LCT: variants seen among roughly 807,000 people sequenced by gnomAD.
The protein encoded by LCT is lactase.
A neutral mutation model predicts 173.0 loss-of-function variants in LCT; 90 were observed. The ratio of observed to expected loss-of-function variants is 0.52; its 90% CI spans 0.44 to 0.62. The LOEUF is 0.62. Among genes scored for constraint, LCT ranks in the 20% least tolerant of loss-of-function variants. The probability of loss-of-function intolerance (pLI) is 0.00; values close to 1 mark genes in which losing one functional copy is unlikely to be tolerated. For synonymous variants in LCT, 853 were observed against 957.6 expected (o/e 0.89, Z 2.02); for missense variants, 1,864 against 2,431.4 (o/e 0.77, Z 4.91).
intron 6 of LCT, among the ~76,000 whole-genome samples, chr2:135,813,409 A>G (rs1433109619): frequency 6.6e-6 from 1 of 152,248 alleles, no homozygotes; most frequent in East Asian, 1.9e-4. Context: ...CAATATCATC[A>G]ACAAAGTCAA....
At position 135,836,163 on chromosome 2, in the gene LCT, C is replaced by T. The variant is rs925471740; in HGVS notation, c.640+367G>A. 4.0e-5 allele frequency among the ~76,000 whole-genome samples: 6 copies of T among 151,720 alleles called. No homozygotes were observed. The South Asian group carries it at 8.3e-4, about 21-fold the overall frequency. Reference sequence around the variant, plus strand: ...CCTCCCGAGTAGCTGGGATCACAGGCGCCTGCTACCATCCCTGGCTAATTT... The same window carrying T: ...CCTCCCGAGTAGCTGGGATCACAGGTGCCTGCTACCATCCCTGGCTAATTT... On this transcript the variant is annotated intron_variant, in intron 1 of 16. Transcript: ENST00000264162.
Position 135,803,804 on chromosome 2 carries a change from G to A in LCT, c.4663+126C>T, listed in dbSNP as rs998302833. On this transcript the variant is annotated intron_variant, in intron 11 of 16. Coordinates refer to ENST00000264162, the MANE Select transcript of LCT (RefSeq NM_002299.4). ...AGGAGGGAAACCTCTACAGCCCTGAGCAAGAGGCAGGGTTTCTGCCATGGG... is the reference window on the plus strand; with the variant it reads ...AGGAGGGAAACCTCTACAGCCCTGAACAAGAGGCAGGGTTTCTGCCATGGG... 3 of 817,694 alleles carry A rather than the reference G, an allele frequency of 3.7e-6. No homozygotes were observed. In the South Asian group the frequency reaches 4.4e-5, roughly 12 times the overall value. The allele number at this position is 817,694 out of a possible 1,614,324, so 50.7% of individuals were successfully genotyped here.
At chr2:135,819,518 C>G (rs2105544899) in intron 5 of LCT, among the ~76,000 whole-genome samples, 1 of 152,296 alleles carries the variant, frequency 6.6e-6, no homozygotes, top group South Asian at 2.1e-4. Flanking sequence ...GGCTGGCCCA[C>G]AGCGCAGAAC....
chr2:135,821,032 C>A (rs2105546375), intron 5 of LCT, among the ~76,000 whole-genome samples: 1 of 152,246 alleles, frequency 6.6e-6, no homozygotes, highest in South Asian at 2.1e-4. Flanking sequence ...AGGCGCCCGC[C>A]ACCATGCCCG....
intron 7 of LCT, among the ~76,000 whole-genome samples, chr2:135,811,983 G>A (rs975047410): frequency 6.6e-6 from 1 of 152,134 alleles, no homozygotes; most frequent in Non-Finnish European, 1.5e-5. Flanking sequence ...AGAGGCTGAG[G>A]TGGGAGGTTG....
Position 135,804,057 on chromosome 2 carries a change from C to T in LCT, c.4536G>A (p.Val1512=). 1 of 1,614,156 alleles carries T rather than the reference C, an allele frequency of 6.2e-7. No individual in the cohort carries two copies. The highest frequency in any genetic ancestry group is 8.5e-7 in the Non-Finnish European group (1 of 1,179,990). The change falls in exon 11 of 17, where the codon GTG becomes GTA. Residue 1512 remains valine (V), a synonymous_variant. Coordinates refer to ENST00000264162, the MANE Select transcript of LCT (RefSeq NM_002299.4). ...CATCTGCATACTCCTTAAACCGCTG[C>T]ACGATGGTCTCATTCTCCCAGCCTC... ...DVGGWENETI[V]QRFKEYADVL...
intron 6 of LCT, among the ~76,000 whole-genome samples, chr2:135,816,796 C>T (rs1233471116): frequency 6.6e-6 from 1 of 152,122 alleles, no homozygotes; most frequent in Non-Finnish European, 1.5e-5. Context: ...TCCATCAGTG[C>T]TATTCTGAGT....
At position 135,809,349 on chromosome 2, in the gene LCT, A is replaced by G; in HGVS notation, c.2998T>C (p.Tyr1000His). ...SSINSHGVDY[Y>H]NRLINGLVAS... Reference sequence around the variant, plus strand: ...ACCAAGCCATTGATCAGCCTGTTGTAATAATCAACCCCATGACTGTTGATA... The same window carrying G: ...ACCAAGCCATTGATCAGCCTGTTGTGATAATCAACCCCATGACTGTTGATA... Residue 1000 changes from tyrosine to histidine, a missense_variant, in exon 8 of 17, where the codon TAC (tyrosine) becomes CAC (histidine). Transcript: ENST00000264162. This position sits in a 1 kb window ranked among gnomAD's most constrained non-coding sequence, Gnocchi z 5.5. The G allele has an allele frequency of 6.2e-7, 1 of 1,614,234 alleles. No homozygotes were observed. The highest frequency in any genetic ancestry group is 8.5e-7 in the Non-Finnish European group (1 of 1,180,036).
intron 11 of LCT, among the ~76,000 whole-genome samples, chr2:135,803,725 T>C (rs1301968912): frequency 6.6e-6 from 1 of 152,162 alleles, no homozygotes; most frequent in Non-Finnish European, 1.5e-5. Context: ...AGCAAAGAAA[T>C]GAACCCACCT....
intron 1 of LCT, among the ~76,000 whole-genome samples, chr2:135,836,017 T>TAC (rs1679352798): frequency 8.5e-5 from 1 of 11,804 alleles, no homozygotes; most frequent in Non-Finnish European, 4.5e-4. Flanking sequence ...TATATATATG[T>TAC]ATACATATTT....
chr2:135,797,766 T>A (rs1305129520), intron 13 of LCT, among the ~76,000 whole-genome samples: 1 of 152,170 alleles, frequency 6.6e-6, no homozygotes, highest in Non-Finnish European at 1.5e-5. Flanking sequence ...GAGCTGGGAT[T>A]TGTCTGTGGA....
Position 135,814,068 on chromosome 2 carries a change from G to A in LCT, c.1708-1112C>T, listed in dbSNP as rs147028989. Among the ~76,000 whole-genome samples the A allele has an allele frequency of 2.2e-4, 33 of 152,314 alleles. No individual in the cohort carries two copies. In the East Asian group the frequency reaches 4.6e-3, roughly 21 times the overall value. On this transcript the variant is annotated intron_variant, in intron 6 of 16. Coordinates refer to ENST00000264162, the MANE Select transcript of LCT (RefSeq NM_002299.4). ...GGATCCATCTGGGATGATTAAATAC[G>A]TGTATATAAAGCATTGAGCAGAAAC...
rs1575340769 is a variant in LCT, at chr2:135,812,308, T to C, written c.2353+3A>G. 3 of 1,611,922 alleles carry C rather than the reference T, an allele frequency of 1.9e-6. No homozygotes were observed. The highest frequency in any genetic ancestry group is 2.5e-6 in the Non-Finnish European group (3 of 1,177,952). Reference sequence around the variant, plus strand: ...CAATCACTGGCACATCCATTGTTCTTACCCTTGAGCACCTCATTGATATAT... The same window carrying C: ...CAATCACTGGCACATCCATTGTTCTCACCCTTGAGCACCTCATTGATATAT... On this transcript the variant is annotated splice_donor_region_variant and intron_variant, in intron 7 of 16. Transcript: ENST00000264162.
At chr2:135,826,241 G>C (rs575416232) in intron 3 of LCT, among the ~76,000 whole-genome samples, 1 of 152,232 alleles carries the variant, frequency 6.6e-6, no homozygotes, top group South Asian at 2.1e-4. Context: ...GCTTTACCCA[G>C]ACACTGGTAG....
intron 9 of LCT, among the ~76,000 whole-genome samples, chr2:135,806,782 T>C (rs1183528256): frequency 6.6e-6 from 1 of 152,226 alleles, no homozygotes; most frequent in Admixed American, 6.5e-5. Context: ...CACACAACTA[T>C]GAACTCACCT....
rs1275618762 is a variant in LCT, at chr2:135,817,548, C to T, written c.1500G>A (p.Leu500=). 7.4e-6 allele frequency: 12 copies of T among 1,614,074 alleles called. No individual in the cohort carries two copies. Among genetic ancestry groups the T allele is most frequent in the Non-Finnish European group, 1.0e-5 (12 of 1,180,048 alleles). The change falls in exon 6 of 17, where the codon CTG becomes CTA. Residue 500 remains leucine (L), a synonymous_variant. Coordinates refer to ENST00000264162, the MANE Select transcript of LCT (RefSeq NM_002299.4). ...EPMATLFHWD[L]PQALQDHGGW... is the part of the protein sequence containing the mutation. ...CACCATGATCCTGCAGGGCCTGAGG[C>T]AGGTCCCAGTGGAACAGCGTGGCCA...
intron 13 of LCT, among the ~76,000 whole-genome samples, chr2:135,796,941 A>ATTTTTT (rs997582132): frequency 8.4e-6 from 1 of 118,762 alleles, no homozygotes; most frequent in African/African-American, 3.2e-5. Flanking sequence ...TGGGAGCTGG[A>ATTTTTT]TTTTTTTTTT....
chr2:135,824,235 A>C (rs2077863920), intron 3 of LCT, among the ~76,000 whole-genome samples: 1 of 152,160 alleles, frequency 6.6e-6, no homozygotes, highest in Non-Finnish European at 1.5e-5. Flanking sequence ...CTCTTCTTTC[A>C]TCACAGGCTT....
rs149694862 is a variant in LCT, at chr2:135,823,925, T to C, written c.883A>G (p.Ser295Gly). 4.3e-6 allele frequency: 7 copies of C among 1,613,448 alleles called. No individual in the cohort carries two copies. Among genetic ancestry groups the C allele is most frequent in the Non-Finnish European group, 5.9e-6 (7 of 1,179,328 alleles). The change falls in exon 4 of 17, where the codon AGT becomes GGT. Residue 295 changes from serine (S) to glycine (G), a missense_variant. Physicochemically the swap from Ser to Gly is moderately conservative, Grantham distance 56 (BLOSUM62 0). Transcript: ENST00000264162. Reference sequence around the variant, plus strand: ...CCTTCAAAAAGGCTGAAGAGCAGACTGGCTGGGTTCTTCATGGTGGAGGGG... The same window carrying C: ...CCTTCAAAAAGGCTGAAGAGCAGACCGGCTGGGTTCTTCATGGTGGAGGGG... The part of the protein sequence containing the change: ...DCPSTMKNPA[S>G]LLFSLFEAIN...
Sources: allele counts gnomAD v4.1 joint callset (sites outside exome capture counted in the v4.1 genomes callset), GRCh38; gene constraint gnomAD v4.1.1; non-coding constraint Gnocchi (gnomAD v3.1); transcripts MANE v1.5; gene names NCBI Gene and HGNC (gene_info 2026-07-23, HGNC 2026-07-21).